The following PDE1C variants were observed in gnomAD, a reference collection of about 807,000 sequenced individuals.
PDE1C encodes the protein phosphodiesterase 1C, also known as dual specificity calcium/calmodulin-dependent 3',5'-cyclic nucleotide phosphodiesterase 1C.
In PDE1C, 62 loss-of-function variants were observed where a neutral mutation model predicts 93.1. That is an observed-to-expected ratio of 0.67 (90% CI 0.54 to 0.82). The LOEUF (loss-of-function observed/expected upper bound fraction) is 0.82. PDE1C is among the 40% of genes least tolerant of loss of function. The pLI, the probability that PDE1C is intolerant of heterozygous loss-of-function variation, is 0.00. For missense variants in PDE1C, 742 were observed against 884.6 expected (o/e 0.84, Z 2.04); for synonymous variants, 325 against 310.1 (o/e 1.05, Z -0.50).
chr7:32,196,646 A>G (rs1203228530), intron 2 of PDE1C, among the ~76,000 whole-genome samples: 3 of 152,228 alleles, frequency 2.0e-5, no homozygotes, highest in Admixed American at 1.3e-4. Context: ...ATGTGTGTGA[A>G]GGCTTTTAAG....
intron 2 of PDE1C, among the ~76,000 whole-genome samples, chr7:31,932,286 C>T (rs898686068): frequency 1.2e-4 from 18 of 151,370 alleles, no homozygotes; most frequent in African/African-American, 4.4e-4. Flanking sequence ...AGACAACCTA[C>T]AGAATGGGAG....
the PDE1C span, among the ~76,000 whole-genome samples, chr7:31,673,802 T>C: frequency 4.6e-5 from 7 of 152,216 alleles, no homozygotes; most frequent in East Asian, 1.4e-3. Flanking sequence ...GATTTTCCAG[T>C]AAGAGTTTTG....
chr7:32,158,131 G>A (rs1801692625), intron 3 of PDE1C, among the ~76,000 whole-genome samples: 1 of 152,176 alleles, frequency 6.6e-6, no homozygotes, highest in African/African-American at 2.4e-5. Flanking sequence ...CATTTTCAAA[G>A]AATGAGAATG....
chr7:31,906,950 A>G (rs910277267), intron 2 of PDE1C, among the ~76,000 whole-genome samples: 2 of 152,144 alleles, frequency 1.3e-5, no homozygotes, highest in Admixed American at 1.3e-4. Context: ...GTGTGTATAT[A>G]CTTTGTGCCA....
chr7:32,050,566 A>C (rs1350373832), intron 2 of PDE1C, among the ~76,000 whole-genome samples: 2 of 151,190 alleles, frequency 1.3e-5, no homozygotes. Flanking sequence ...TGATTTCACT[A>C]TGTGTATGTA....
At chr7:32,334,584 C>T (rs574805564) in intron 1 of PDE1C, among the ~76,000 whole-genome samples, 2 of 134,320 alleles carry the variant, frequency 1.5e-5, no homozygotes, top group South Asian at 2.9e-4. Flanking sequence ...CCTTTGCCCG[C>T]CCTCCCACCC....
the PDE1C span, among the ~76,000 whole-genome samples, chr7:31,621,630 T>A: frequency 6.8e-6 from 1 of 147,080 alleles, no homozygotes. Flanking sequence ...AAGGAACAAC[T>A]GGTACCAGAC....
intron 2 of PDE1C, among the ~76,000 whole-genome samples, chr7:31,883,936 G>A (rs1346852567): frequency 6.6e-6 from 1 of 152,206 alleles, no homozygotes; most frequent in Non-Finnish European, 1.5e-5. Flanking sequence ...GTGAAGTTCT[G>A]ACCCAACAGG....
chr7:32,117,934 T>C (rs1251844025), intron 3 of PDE1C, among the ~76,000 whole-genome samples: 1 of 152,234 alleles, frequency 6.6e-6, no homozygotes, highest in African/African-American at 2.4e-5. Flanking sequence ...AGCTGGGATC[T>C]GCATCCTTGA....
the PDE1C span, among the ~76,000 whole-genome samples, chr7:31,627,127 G>A: frequency 2.0e-5 from 3 of 152,116 alleles, no homozygotes; most frequent in Non-Finnish European, 4.4e-5. Context: ...TTTGGATTTT[G>A]TCCACTGGAG....
Position 32,379,110 on chromosome 7 carries a change from G to A in PDE1C, c.310+48712C>T, listed in dbSNP as rs1562698368. 2.6e-5 allele frequency among the ~76,000 whole-genome samples: 4 copies of A among 152,102 alleles called. No individual in the cohort carries two copies. The South Asian group carries it at 6.2e-4, about 24-fold the overall frequency. ...CCAGCTGCATTTCACTTCAGTTCCAGCTCCACTGAAAGACGTGCAGTTCCC... is the reference window on the plus strand; with the variant it reads ...CCAGCTGCATTTCACTTCAGTTCCAACTCCACTGAAAGACGTGCAGTTCCC... On this transcript the variant is annotated intron_variant, in intron 1 of 1. Coordinates refer to the PDE1C transcript ENST00000672256.
intron 3 of PDE1C, among the ~76,000 whole-genome samples, chr7:32,082,520 G>A (rs552183072): frequency 8.5e-5 from 13 of 152,328 alleles, no homozygotes; most frequent in Admixed American, 2.6e-4. Flanking sequence ...GCATGCAGCT[G>A]GAGATCTGAG....
At chr7:32,368,030 G>C (rs932383081) in intron 1 of PDE1C, among the ~76,000 whole-genome samples, 2 of 151,808 alleles carry the variant, frequency 1.3e-5, no homozygotes, top group Admixed American at 1.3e-4. Flanking sequence ...CACAATAAAG[G>C]CTATATATAA....
At chr7:31,861,753 C>G (rs1460424817) in intron 7 of PDE1C, among the ~76,000 whole-genome samples, 4 of 152,142 alleles carry the variant, frequency 2.6e-5, no homozygotes, top group African/African-American at 9.7e-5. Context: ...CTTCACTAGA[C>G]TTCTGCAGAA....
intron 2 of PDE1C, among the ~76,000 whole-genome samples, chr7:31,977,304 A>T (rs1811795686): frequency 6.6e-6 from 1 of 152,158 alleles, no homozygotes; most frequent in Non-Finnish European, 1.5e-5. Context: ...ATGATGATGC[A>T]GCAAGAAGGT....
At chr7:31,683,038 G>A in the PDE1C span, among the ~76,000 whole-genome samples, 3 of 152,314 alleles carry the variant, frequency 2.0e-5, no homozygotes, top group Admixed American at 1.3e-4. Context: ...AGAGATCTCT[G>A]TGGTGTTGGA....
intron 17 of PDE1C, among the ~76,000 whole-genome samples, chr7:31,774,542 A>T (rs1795706032): frequency 6.6e-6 from 1 of 152,196 alleles, no homozygotes. Context: ...ATCTATGGTA[A>T]ATCCGTACTT....
intron 1 of PDE1C, among the ~76,000 whole-genome samples, chr7:32,399,453 G>A (rs987961136): frequency 6.6e-6 from 1 of 152,142 alleles, no homozygotes; most frequent in African/African-American, 2.4e-5. Context: ...GTCCTGGTGA[G>A]AGCCTACAGC....
intron 1 of PDE1C, among the ~76,000 whole-genome samples, chr7:32,408,417 G>C: frequency 6.6e-6 from 1 of 152,214 alleles, no homozygotes; most frequent in East Asian, 1.9e-4. Context: ...TGGGAGGAAT[G>C]TGCACAGCCC....
Sources: allele counts gnomAD v4.1 joint callset (sites outside exome capture counted in the v4.1 genomes callset), GRCh38; gene constraint gnomAD v4.1.1; transcripts MANE v1.5; gene names NCBI Gene and HGNC (gene_info 2026-07-23, HGNC 2026-07-21).